The following ANKRD16 variants were observed in gnomAD, a reference collection of about 807,000 sequenced individuals.
ANKRD16 encodes the protein ankyrin repeat domain-containing protein 16.
A neutral mutation model predicts 37.9 loss-of-function variants in ANKRD16; 35 were observed. The observed-to-expected ratio is 0.92, with a 90% confidence interval of 0.71 to 1.23. The LOEUF is 1.23. Ranked by LOEUF, ANKRD16 falls within the 50% of genes most tolerant of loss-of-function variation. The probability of loss-of-function intolerance (pLI) is 0.00; values close to 1 mark genes in which losing one functional copy is unlikely to be tolerated. For synonymous variants in ANKRD16, 206 were observed against 197.2 expected, an observed-to-expected ratio of 1.04 and a Z score of -0.37; for missense variants, 480 against 469.9, an observed-to-expected ratio of 1.02 and a Z score of -0.20.
rs1179177155 is a variant in ANKRD16, at chr10:5,868,161, T to C, written c.*34-5470A>G. On this transcript the variant is annotated intron_variant, in intron 7 of 7. Coordinates refer to ENST00000380094, the MANE Select transcript of ANKRD16 (RefSeq NM_019046.3). This position sits in a 1 kb window ranked among gnomAD's most constrained non-coding sequence, Gnocchi z 4.9. ...ATTTTTAACCTCTTTGTCAAATTTGTTTCCTCTAGGATCGAGGCCATCAAG... is the reference window on the plus strand; with the variant it reads ...ATTTTTAACCTCTTTGTCAAATTTGCTTCCTCTAGGATCGAGGCCATCAAG... Among the ~76,000 whole-genome samples the C allele has an allele frequency of 6.6e-6, 1 of 152,162 alleles. No individual in the cohort carries two copies. Among genetic ancestry groups the C allele is most frequent in the Non-Finnish European group, 1.5e-5 (1 of 68,026 alleles).
At chr10:5,888,159 A>T (rs1842478283) in intron 1 of ANKRD16, 92 bp from the exon 2 acceptor site, 5 of 1,206,400 alleles carry the variant, frequency 4.1e-6, no homozygotes, top group Non-Finnish European at 5.9e-6. Context: ...TCCTTGGCAC[A>T]GATGGAAAAC....
rs1417021088 is a variant in ANKRD16, at chr10:5,862,551, C to T, written c.*174G>A. The stretch of plus-strand genomic sequence containing the variant: ...GGCACTGACTTCACCACTGGTACAC[C>T]TCAGATATACAACTTTGATCTCGCT... On this transcript the variant is annotated 3_prime_UTR_variant, in exon 8 of 8. Transcript: ENST00000380094. The surrounding 1 kb of genome is among the most constrained non-coding windows in gnomAD (Gnocchi z 6.5). 16 of 1,250,626 alleles carry T rather than the reference C, an allele frequency of 1.3e-5. No individual in the cohort carries two copies. The highest frequency in any genetic ancestry group is 1.6e-5 in the Non-Finnish European group (15 of 955,352). The allele number at this position is 1,250,626 out of a possible 1,614,324, so 77.5% of individuals were successfully genotyped here.
intron 3 of ANKRD16, 102 bp downstream of exon 3, chr10:5,885,621 A>AT: frequency 1.5e-6 from 2 of 1,301,538 alleles, no homozygotes; most frequent in Non-Finnish European, 2.1e-6. Context: ...TGAAAGCCTA[A>AT]TTTTTTTCTT....
Position 5,865,557 on chromosome 10 carries a change from C to T in ANKRD16, c.*34-2866G>A, listed in dbSNP as rs1484777856. 5.9e-5 allele frequency among the ~76,000 whole-genome samples: 9 copies of T among 152,298 alleles called. No individual in the cohort carries two copies. In the East Asian group the frequency reaches 1.5e-3, roughly 26 times the overall value. On this transcript the variant is annotated intron_variant, in intron 7 of 7. Transcript: ENST00000380094. This position sits in a 1 kb window ranked among gnomAD's most constrained non-coding sequence, Gnocchi z 4.7. ...CTGAGGCTCAGTGTTAATCTCCTGTCCCAGACAGCTGTCCTCAAGGTCTGT... is the reference window on the plus strand; with the variant it reads ...CTGAGGCTCAGTGTTAATCTCCTGTTCCAGACAGCTGTCCTCAAGGTCTGT...
intron 4 of ANKRD16, 31 bp downstream of exon 4, chr10:5,883,938 C>G (rs1309419975): frequency 6.3e-7 from 1 of 1,598,156 alleles, no homozygotes; most frequent in Non-Finnish European, 8.6e-7. Flanking sequence ...TAGGAAGAAC[C>G]AAAAGAATAA....
intron 5 of ANKRD16, 49 bp downstream of exon 5, chr10:5,882,957 T>G: frequency 6.3e-7 from 1 of 1,589,818 alleles, no homozygotes. Context: ...ATCAAAGAAG[T>G]AAGGCAAGCC....
rs563575585 is a variant in ANKRD16, at chr10:5,874,269, G to A, written c.*33+3828C>T. Among the ~76,000 whole-genome samples the A allele has an allele frequency of 6.6e-5, 10 of 152,304 alleles. No homozygotes were observed. Among genetic ancestry groups the A allele is most frequent in the Non-Finnish European group, 1.5e-4 (10 of 68,012 alleles). On this transcript the variant is annotated intron_variant, in intron 7 of 7. Transcript: ENST00000380094. The surrounding 1 kb of genome is among the most constrained non-coding windows in gnomAD (Gnocchi z 4.7). ...GCTTTTAGGACAAGCTGACAGCCCT[G>A]GTGGAAGTGGGTGTTAGTTAAGGCA...
Position 5,878,079 on chromosome 10 carries a change from A to G in ANKRD16, c.*33+18T>C. 1 of 1,572,848 alleles carries G rather than the reference A, an allele frequency of 6.4e-7. No individual in the cohort carries two copies. The highest frequency in any genetic ancestry group is 8.6e-7 in the Non-Finnish European group (1 of 1,157,934). On this transcript the variant is annotated intron_variant, in intron 7 of 7. Transcript: ENST00000380094. This position sits in a 1 kb window ranked among gnomAD's most constrained non-coding sequence, Gnocchi z 5.1. ...TCGCTGAATCTGTGACTGACTTAAG[A>G]AGCAGGATATGAATTACCATGCACT...
chr10:5,888,973 A>C, intron 1 of ANKRD16, 68 bp downstream of exon 1: 4 of 1,421,442 alleles, frequency 2.8e-6, no homozygotes, highest in Non-Finnish European at 1.8e-6. Context: ...GGGACGGAGA[A>C]GCACAGGGAA....
In ANKRD16 at chr10:5,878,733, G is replaced by A. The variant is rs139112789; in HGVS notation, c.929-446C>T. On this transcript the variant is annotated intron_variant, in intron 6 of 7. Coordinates refer to ENST00000380094, the MANE Select transcript of ANKRD16 (RefSeq NM_019046.3). This position sits in a 1 kb window ranked among gnomAD's most constrained non-coding sequence, Gnocchi z 5.1. Reference sequence around the variant, plus strand: ...AAATCGCTTGAACCCAGGAGGTGGCGGTTGCAGTGAGCACTGCACGCCAGC... The same window carrying A: ...AAATCGCTTGAACCCAGGAGGTGGCAGTTGCAGTGAGCACTGCACGCCAGC... Among the ~76,000 whole-genome samples, 605 of 151,628 alleles carry A rather than the reference G, an allele frequency of 4.0e-3. 2 individuals carry two copies. The highest frequency in any genetic ancestry group is 0.014 in the African/African-American group (572 of 41,322).
chr10:5,879,811 G>A (rs1346461732), intron 6 of ANKRD16, among the ~76,000 whole-genome samples: 1 of 150,112 alleles, frequency 6.7e-6, no homozygotes, highest in Non-Finnish European at 1.5e-5. Context: ...ACAATTATAT[G>A]AAGGCTTTGC....
At chr10:5,887,777 T>C (rs959607428) in intron 2 of ANKRD16, 70 bp downstream of exon 2, 29 of 1,243,054 alleles carry the variant, frequency 2.3e-5, no homozygotes, top group Middle Eastern at 3.2e-4. Context: ...CTGAACAAGA[T>C]GCGGTTGGGC....
In ANKRD16 at chr10:5,865,029, T is replaced by C. The variant is rs968462002; in HGVS notation, c.*34-2338A>G. Among the ~76,000 whole-genome samples the C allele has an allele frequency of 2.6e-5, 4 of 152,130 alleles. No homozygotes were observed. Among genetic ancestry groups the C allele is most frequent in the African/African-American group, 4.8e-5 (2 of 41,420 alleles). ...CCCTGAACAAAATCTGGAGGCATTA[T>C]TAAACCTGGCAACCTCTGTGTTCTA... On this transcript the variant is annotated intron_variant, in intron 7 of 7. Coordinates refer to ENST00000380094, the MANE Select transcript of ANKRD16 (RefSeq NM_019046.3). The surrounding 1 kb of genome is among the most constrained non-coding windows in gnomAD (Gnocchi z 4.7).
At chr10:5,885,908 C>T in intron 2 of ANKRD16, 143 bp from the exon 3 acceptor site, 3 of 730,154 alleles carry the variant, frequency 4.1e-6, no homozygotes, top group Non-Finnish European at 6.8e-6. Context: ...CTGTTACCGC[C>T]CTACACGAAT....
Position 5,880,321 on chromosome 10 carries a change from G to A in ANKRD16, c.905C>T (p.Ser302Phe). The change falls in exon 6 of 8, where the codon TCT (serine) becomes TTT (phenylalanine). Residue 302 changes from serine (S) to phenylalanine (F), a missense_variant. Physicochemically the swap from Ser to Phe is radical, Grantham distance 155. Transcript: ENST00000380094. ...TLLSLGADINSKDEKNRSALH... is the reference protein window; with the variant it reads ...TLLSLGADINFKDEKNRSALH... ...ACCTGATCGATTTTTTTCATCTTTA[G>A]AATTGATGTCAGCTCCCAAGGATAA... 1 of 1,600,518 alleles carries A rather than the reference G, an allele frequency of 6.2e-7. No individual in the cohort carries two copies. The highest frequency in any genetic ancestry group is 2.3e-5 in the East Asian group (1 of 44,412).
chr10:5,881,405 TATA>T (rs1284922779), intron 5 of ANKRD16, among the ~76,000 whole-genome samples: 2 of 141,258 alleles, frequency 1.4e-5, no homozygotes, highest in East Asian at 2.1e-4. Context: ...TAGGAATTAT[TATA>T]ATAAATATTT....
chr10:5,889,329 C>A lies in ANKRD16; in HGVS notation c.26G>T (p.Arg9Leu). Residue 9 changes from arginine to leucine, a missense_variant, in exon 1 of 8, where the codon CGC becomes CTC. Arg to Leu is a moderately radical substitution (Grantham distance 102). Coordinates refer to ENST00000380094, the MANE Select transcript of ANKRD16 (RefSeq NM_019046.3). ...GCCCTCCTGCACCAGCCTGCAGAGG[C>A]GCCGCGGGTCCCCGGGCTGGGCCAT... MAQPGDPR[R>L]LCRLVQEGRL... The A allele has an allele frequency of 7.9e-7, 1 of 1,260,144 alleles. No individual in the cohort carries two copies. Among genetic ancestry groups the A allele is most frequent in the Non-Finnish European group, 9.9e-7 (1 of 1,005,788 alleles). The allele number at this position is 1,260,144 out of a possible 1,614,324, so 78.1% of individuals were successfully genotyped here.
At chr10:5,881,266 T>A (rs1842298973) in intron 5 of ANKRD16, among the ~76,000 whole-genome samples, 1 of 151,282 alleles carries the variant, frequency 6.6e-6, no homozygotes, top group South Asian at 2.1e-4. Flanking sequence ...GTACAAATCT[T>A]GTGATTTATA....
At position 5,885,779 on chromosome 10, in the gene ANKRD16, G is replaced by A. The variant is rs759810768; in HGVS notation, c.536-14C>T. 2 of 1,597,662 alleles carry A rather than the reference G, an allele frequency of 1.3e-6. No homozygotes were observed. Among genetic ancestry groups the A allele is most frequent in the East Asian group, 4.5e-5 (2 of 44,776 alleles). ...GGCCATGCATTGCTGGGAGGAGAAA[G>A]AAAGCTGAGAATTAGAGCTTTTTAG... On this transcript the variant is annotated splice_polypyrimidine_tract_variant and intron_variant, in intron 2 of 7. Transcript: ENST00000380094.
Sources: gnomAD v4.1 joint callset for allele counts (sites outside exome capture counted in the v4.1 genomes callset) on GRCh38, gnomAD v4.1.1 for gene constraint, Gnocchi (gnomAD v3.1) non-coding constraint, MANE v1.5 for transcripts, NCBI Gene and HGNC (gene_info 2026-07-23, HGNC 2026-07-21) for gene names.